DDX25: variants seen among roughly 807,000 people sequenced by gnomAD.
DDX25 encodes the protein DEAD-box helicase 25.
Under a neutral mutation model 64.6 loss-of-function variants are expected in DDX25, and 70 were observed. That is an observed-to-expected ratio of 1.08 (90% confidence interval 0.89 to 1.32). DDX25 has a LOEUF of 1.32. Among genes scored for constraint, DDX25 ranks in the 40% most tolerant of loss-of-function variants. DDX25 has a pLI of 0.00. For synonymous variants in DDX25, 211 were observed against 213.3 expected, an observed-to-expected ratio of 0.99 and a Z score of 0.09; for missense variants, 587 against 604.4, an observed-to-expected ratio of 0.97 and a Z score of 0.30.
intron 8 of DDX25, among the ~76,000 whole-genome samples, chr11:125,916,338 G>A (rs940469614): frequency 6.6e-6 from 1 of 152,158 alleles, no homozygotes; most frequent in Non-Finnish European, 1.5e-5. Flanking sequence ...CCAGATGAAG[G>A]AATAAAATTT....
At chr11:125,916,170 T>G (rs1398132771) in intron 8 of DDX25, among the ~76,000 whole-genome samples, 3 of 152,250 alleles carry the variant, frequency 2.0e-5, no homozygotes, top group Admixed American at 2.0e-4. Context: ...CTCTGTCTCC[T>G]TCTCAAAAGA....
chr11:125,904,732 C>A, intron 1 of DDX25, 152 bp downstream of exon 1: 3 of 953,956 alleles, frequency 3.1e-6, no homozygotes, highest in Non-Finnish European at 3.2e-6. Flanking sequence ...TGGAAGAGGG[C>A]CACAGAGGGA....
rs1306195012 is a variant in DDX25, at chr11:125,910,431, A to G, written c.575A>G (p.Lys192Arg). The change falls in exon 7 of 12, where the codon AAA (lysine) becomes AGA (arginine). Residue 192 changes from lysine to arginine, a missense_variant. By Grantham distance (26) the Lys-to-Arg change is conservative (BLOSUM62 2). Coordinates refer to ENST00000263576, the MANE Select transcript of DDX25 (RefSeq NM_013264.5). ...QTGRVVEQMG[K>R]FCVDVQVMYA... ...GGCCGTGTGGTTGAGCAGATGGGAA[A>G]ATTCTGTGTGGATGTTCAAGTGATG... 9 of 1,613,856 alleles carry G rather than the reference A, an allele frequency of 5.6e-6. No individual in the cohort carries two copies. In the African/African-American group the frequency reaches 6.7e-5, roughly 12 times the overall value.
intron 10 of DDX25, chr11:125,920,982 A>G (rs144238081): frequency 3.6e-6 from 2 of 553,992 alleles, no homozygotes; most frequent in African/African-American, 1.9e-5. Context: ...TTTCTGTAGC[A>G]TTCTCTATGG....
intron 1 of DDX25, among the ~76,000 whole-genome samples, chr11:125,905,009 A>C (rs1462129836): frequency 6.6e-6 from 1 of 152,162 alleles, no homozygotes; most frequent in Non-Finnish European, 1.5e-5. Flanking sequence ...CTGCATGTAC[A>C]GGGAATACAG....
intron 11 of DDX25, 31 bp from the exon 12 acceptor site, chr11:125,922,789 A>C: frequency 1.3e-6 from 2 of 1,573,248 alleles, no homozygotes; most frequent in Non-Finnish European, 8.7e-7. Context: ...CCCTGACATG[A>C]GACTAGTTCT....
chr11:125,917,945 C>A (rs1347701777), intron 9 of DDX25, among the ~76,000 whole-genome samples: 2 of 152,136 alleles, frequency 1.3e-5, no homozygotes, highest in African/African-American at 4.8e-5. Flanking sequence ...ATGGCATGAT[C>A]TCAGCTCACT....
At chr11:125,919,623 C>T (rs1481066891) in intron 10 of DDX25, among the ~76,000 whole-genome samples, 2 of 129,168 alleles carry the variant, frequency 1.5e-5, no homozygotes, top group Non-Finnish European at 3.5e-5. Flanking sequence ...TTGCTTGCAC[C>T]CCATACTCAT....
intron 8 of DDX25, 146 bp downstream of exon 8, chr11:125,911,634 A>C (rs919581611): frequency 2.1e-5 from 18 of 846,978 alleles, no homozygotes; most frequent in Non-Finnish European, 2.8e-5. Context: ...TATTTTCACC[A>C]GTTCAAGGGT....
chr11:125,906,096 C>T lies in DDX25; in HGVS notation c.198C>T (p.Leu66=), dbSNP rs1944881380. ...TAGTGGATTTGGCAGCTAATTCACT[C>T]TTAAACAAGTTAATCCATCAATCCT... The part of the protein sequence containing the change: ...EDVVDLAANS[L]LNKLIHQSLV... The change falls in exon 4 of 12, where the codon CTC becomes CTT. Residue 66 remains leucine (L), a synonymous_variant. Transcript: ENST00000263576. 1 of 1,542,852 alleles carries T rather than the reference C, an allele frequency of 6.5e-7. No individual in the cohort carries two copies. The highest frequency in any genetic ancestry group is 1.4e-5 in the African/African-American group (1 of 72,440).
In DDX25 at chr11:125,921,538, G is replaced by A. The variant is rs541220204; in HGVS notation, c.1390+159G>A. Reference sequence around the variant, plus strand: ...TCACAGGACCAGGGTTCTAATATGAGACAGATGATTAAATAATGCTTATAT... The same window carrying A: ...TCACAGGACCAGGGTTCTAATATGAAACAGATGATTAAATAATGCTTATAT... On this transcript the variant is annotated intron_variant, in intron 11 of 11. Coordinates refer to ENST00000263576, the MANE Select transcript of DDX25 (RefSeq NM_013264.5). The surrounding 1 kb of genome is among the most constrained non-coding windows in gnomAD (Gnocchi z 4.1). 1.3e-4 allele frequency: 94 copies of A among 734,444 alleles called. No homozygotes were observed. The highest frequency in any genetic ancestry group is 1.9e-4 in the Non-Finnish European group (87 of 467,112). 45.5% of individuals were successfully genotyped at this position (734,444 alleles called of 1,614,324 possible). A position where few individuals can be genotyped will look rare whatever the true frequency, so the allele number is the denominator to read the frequency against.
At position 125,917,415 on chromosome 11, in the gene DDX25, G is replaced by T. The variant is rs557031103; in HGVS notation, c.1038+164G>T. On this transcript the variant is annotated intron_variant, in intron 9 of 11. Transcript: ENST00000263576. The stretch of plus-strand genomic sequence containing the variant: ...AAACAGAAATTACCTGTATTTTATG[G>T]GTGAAATGTAAAAAGGTTAAGTAAT... 2.6e-4 allele frequency among the ~76,000 whole-genome samples: 39 copies of T among 152,238 alleles called. No individual in the cohort carries two copies. The South Asian group carries it at 8.1e-3, about 32-fold the overall frequency.
chr11:125,925,279 G>T lies in DDX25; in HGVS notation c.*2398G>T. ...AAATGTCCTCAGTAATTTTTGTTTG[G>T]CAGCTGTTCCCACAGGTCTGCATGA... is the stretch of plus-strand genomic sequence containing the variant. On this transcript the variant is annotated 3_prime_UTR_variant, in exon 12 of 12. Transcript: ENST00000263576. 5.4e-6 allele frequency: 2 copies of T among 367,580 alleles called. No individual in the cohort carries two copies. Among genetic ancestry groups the T allele is most frequent in the South Asian group, 2.0e-5 (1 of 50,310 alleles). 22.8% of individuals were successfully genotyped at this position (367,580 alleles called of 1,614,324 possible). A position where few individuals can be genotyped will look rare whatever the true frequency, so the allele number is the denominator to read the frequency against.
Position 125,910,345 on chromosome 11 carries a change from TTC to T in DDX25, c.508-11_508-10del. On this transcript the variant is annotated splice_polypyrimidine_tract_variant and intron_variant, in intron 6 of 11. Coordinates refer to ENST00000263576, the MANE Select transcript of DDX25 (RefSeq NM_013264.5). ...CTGTAAGAACCTTTCTCCTCCCCTC[TTC>T]TCTCTCTATCCCACAGTGCCTCTGC... The T allele has an allele frequency of 3.1e-6, 5 of 1,608,680 alleles. No individual in the cohort carries two copies. Among genetic ancestry groups the T allele is most frequent in the African/African-American group, 1.3e-5 (1 of 74,948 alleles).
chr11:125,906,113 A>G lies in DDX25; in HGVS notation c.215A>G (p.His72Arg), dbSNP rs1027648616. ...AANSLLNKLI[H>R]QSLVESSHRV... ...AATTCACTCTTAAACAAGTTAATCC[A>G]TCAATCCTTAGTAGAATCCAGTCAC... The change falls in exon 4 of 12, where the codon CAT becomes CGT. Residue 72 changes from histidine to arginine, a missense_variant. By Grantham distance (29) the His-to-Arg change is conservative. Coordinates refer to ENST00000263576, the MANE Select transcript of DDX25 (RefSeq NM_013264.5). The G allele has an allele frequency of 1.1e-5, 17 of 1,549,368 alleles. No individual in the cohort carries two copies. Among genetic ancestry groups the G allele is most frequent in the Middle Eastern group, 1.7e-4 (1 of 5,984 alleles).
intron 8 of DDX25, among the ~76,000 whole-genome samples, chr11:125,916,441 C>T (rs572272403): frequency 2.6e-5 from 4 of 152,292 alleles, no homozygotes; most frequent in South Asian, 2.1e-4. Flanking sequence ...CTGCTAACTC[C>T]GCAGATTTAT....
intron 10 of DDX25, among the ~76,000 whole-genome samples, chr11:125,919,979 C>T (rs544181950): frequency 4.4e-4 from 67 of 152,220 alleles, no homozygotes; most frequent in African/African-American, 1.3e-3. Context: ...TATTGGACAG[C>T]GTAACCCTAG....
At chr11:125,905,354 A>T in intron 2 of DDX25, 76 bp downstream of exon 2, 2 of 1,489,546 alleles carry the variant, frequency 1.3e-6, no homozygotes, top group Non-Finnish European at 1.8e-6. Context: ...CGTCCCTGCC[A>T]AGTGAAACAC....
chr11:125,914,115 G>A (rs1945003464), intron 8 of DDX25, among the ~76,000 whole-genome samples: 1 of 152,076 alleles, frequency 6.6e-6, no homozygotes, highest in Admixed American at 6.5e-5. Flanking sequence ...TTTTAACATT[G>A]TGAATTATCC....
Sources: allele counts gnomAD v4.1 joint callset (sites outside exome capture counted in the v4.1 genomes callset), GRCh38; gene constraint gnomAD v4.1.1; non-coding constraint Gnocchi (gnomAD v3.1); transcripts MANE v1.5; gene names NCBI Gene and HGNC (gene_info 2026-07-23, HGNC 2026-07-21).